The following MYO3A variants were observed in gnomAD, a reference collection of about 807,000 sequenced individuals.
MYO3A encodes the protein myosin IIIA.
Under a neutral mutation model 192.7 loss-of-function variants are expected in MYO3A, and 180 were observed. The ratio of observed to expected loss-of-function variants is 0.93; its 90% CI spans 0.83 to 1.06. MYO3A has a LOEUF of 1.06. Ranked by LOEUF, MYO3A falls within the 50% of genes least tolerant of loss-of-function variation. The pLI is 0.00. For synonymous variants in MYO3A, 628 were observed against 645.3 expected (o/e 0.97, Z 0.41); for missense variants, 1,896 against 1,905.0 (o/e 1.00, Z 0.09).
chr10:26,170,407 G>A lies in MYO3A; in HGVS notation c.3275-9G>A. The A allele has an allele frequency of 6.2e-7, 1 of 1,612,884 alleles. No homozygotes were observed. Among genetic ancestry groups the A allele is most frequent in the Non-Finnish European group, 8.5e-7 (1 of 1,179,276 alleles). On this transcript the variant is annotated splice_polypyrimidine_tract_variant and intron_variant, in intron 28 of 34. Coordinates refer to ENST00000642920, the MANE Select transcript of MYO3A (RefSeq NM_017433.5). The stretch of plus-strand genomic sequence containing the variant: ...TAATTAACACTACTATGGGCTTTCT[G>A]TGTTTCAGCTGCAAGAGGACACCTT...
intron 14 of MYO3A, among the ~76,000 whole-genome samples, chr10:26,078,719 C>T: frequency 6.6e-6 from 1 of 151,858 alleles, no homozygotes; most frequent in Non-Finnish European, 1.5e-5. Flanking sequence ...CATTGTTGTT[C>T]AGTTCGAAGA....
At chr10:26,158,157 GATTTGGAAGATGAAACA>G (rs1323264871) in intron 26 of MYO3A, among the ~76,000 whole-genome samples, 2 of 152,100 alleles carry the variant, frequency 1.3e-5, no homozygotes, top group Non-Finnish European at 2.9e-5. Flanking sequence ...CTCTAACGGT[GATTTGGAAGATGAAACA>G]ATTAGGTTTA....
intron 4 of MYO3A, among the ~76,000 whole-genome samples, chr10:25,979,809 G>A (rs1839204821): frequency 6.6e-6 from 1 of 152,152 alleles, no homozygotes; most frequent in African/African-American, 2.4e-5. Context: ...CCTGTGCACT[G>A]TTGTATGTTT....
chr10:26,182,823 T>C (rs76139955), intron 31 of MYO3A, among the ~76,000 whole-genome samples: 9,013 of 152,296 alleles, frequency 0.059, 346 homozygotes, highest in Non-Finnish European at 0.085. Flanking sequence ...GCTCACAGTG[T>C]TCCGCATAAC....
chr10:26,036,251 T>C (rs1424072413), intron 10 of MYO3A, among the ~76,000 whole-genome samples: 2 of 42,842 alleles, frequency 4.7e-5, no homozygotes, highest in African/African-American at 1.2e-4. Context: ...CTAAGACTAT[T>C]TTTTTAATTA....
chr10:26,105,702 C>T (rs889997581), intron 17 of MYO3A, among the ~76,000 whole-genome samples: 8 of 151,970 alleles, frequency 5.3e-5, no homozygotes, highest in South Asian at 2.1e-4. Context: ...TCTAAATTTT[C>T]GTTTATTCAA....
chr10:26,002,143 A>C (rs7919219), intron 6 of MYO3A, among the ~76,000 whole-genome samples: 14,356 of 152,254 alleles, frequency 0.094, 1,195 homozygotes, highest in African/African-American at 0.21. Context: ...TAGTTATAGT[A>C]AAAACGAAGA....
At chr10:26,143,376 A>G (rs1840276994) in intron 20 of MYO3A, 72 bp from the exon 21 acceptor site, 2 of 1,452,246 alleles carry the variant, frequency 1.4e-6, no homozygotes, top group Admixed American at 3.6e-5. Flanking sequence ...ATATATGCAA[A>G]GTAAAATTTT....
chr10:26,190,945 T>G (rs551215317), intron 31 of MYO3A, among the ~76,000 whole-genome samples: 1 of 152,302 alleles, frequency 6.6e-6, no homozygotes, highest in Admixed American at 6.5e-5. Context: ...TGTTTTTCAC[T>G]CTCTTGGCAA....
intron 10 of MYO3A, among the ~76,000 whole-genome samples, chr10:26,039,021 T>TTTTGTTTG (rs138198989): frequency 2.7e-4 from 40 of 150,662 alleles, no homozygotes; most frequent in South Asian, 1.3e-3. Context: ...ATGAATGAGT[T>TTTTGTTTG]TTTGTTTGTT....
chr10:26,070,002 G>C lies in MYO3A; in HGVS notation c.1171-109G>C, dbSNP rs957575230. On this transcript the variant is annotated intron_variant, in intron 12 of 34. Coordinates refer to ENST00000642920, the MANE Select transcript of MYO3A (RefSeq NM_017433.5). ...TAATAATGTTTTGGTGGAATGAAAT[G>C]GTGTTTTTATTTATACTTTGCTTTA... 74 of 734,612 alleles carry C rather than the reference G, an allele frequency of 1.0e-4. No homozygotes were observed. In the Admixed American group the frequency reaches 1.9e-3, roughly 19 times the overall value. 45.5% of individuals were successfully genotyped at this position (734,612 alleles called of 1,614,324 possible).
chr10:26,185,902 C>A (rs1037293542), intron 31 of MYO3A, among the ~76,000 whole-genome samples: 6 of 152,118 alleles, frequency 3.9e-5, no homozygotes, highest in African/African-American at 1.4e-4. Context: ...TTGCTTTTCT[C>A]AATACCTTTG....
intron 14 of MYO3A, among the ~76,000 whole-genome samples, chr10:26,076,038 G>C (rs1465891151): frequency 6.7e-6 from 1 of 149,784 alleles, no homozygotes; most frequent in Non-Finnish European, 1.5e-5. Context: ...GGATCAAATG[G>C]GAGTTCTACT....
intron 31 of MYO3A, among the ~76,000 whole-genome samples, chr10:26,192,742 C>T (rs1843211184): frequency 6.6e-6 from 1 of 151,580 alleles, no homozygotes; most frequent in African/African-American, 2.4e-5. Flanking sequence ...CAACCTCTGC[C>T]TCCCAGGTTC....
In MYO3A at chr10:26,016,821, T is replaced by G. The variant is rs1842009809; in HGVS notation, c.510T>G (p.Gly170=). The part of the protein sequence containing the change: ...TEGGVKLVDF[G]VSAQLTSTRH... ...AGTACATCTTGTCTCTTCCTCTAGG[T>G]GTGTCTGCACAGCTCACCAGTACCC... is the stretch of plus-strand genomic sequence containing the variant. Residue 170 remains glycine (G), a splice_region_variant and synonymous_variant, in exon 7 of 35, where the codon GGT becomes GGG. Transcript: ENST00000642920. The G allele has an allele frequency of 1.2e-6, 2 of 1,613,972 alleles. No homozygotes were observed.
At chr10:25,990,530 C>T (rs1839949102) in intron 4 of MYO3A, among the ~76,000 whole-genome samples, 1 of 150,674 alleles carries the variant, frequency 6.6e-6, no homozygotes, top group South Asian at 2.1e-4. Context: ...TTTTATTATA[C>T]TTTTAAGTTC....
At chr10:26,164,910 C>T (rs1490729732) in intron 26 of MYO3A, among the ~76,000 whole-genome samples, 1 of 152,158 alleles carries the variant, frequency 6.6e-6, no homozygotes, top group Admixed American at 6.5e-5. Context: ...TACTGGGTCA[C>T]CATGTGTACA....
chr10:25,942,758 C>G (rs1204805074), intron 2 of MYO3A, among the ~76,000 whole-genome samples: 3 of 148,838 alleles, frequency 2.0e-5, no homozygotes, highest in Non-Finnish European at 4.4e-5. Context: ...GGAGAAACTT[C>G]TAGTCAAATC....
intron 32 of MYO3A, among the ~76,000 whole-genome samples, chr10:26,193,881 C>A (rs1415112074): frequency 6.6e-6 from 1 of 152,214 alleles, no homozygotes; most frequent in Non-Finnish European, 1.5e-5. Context: ...CTTCTGACCC[C>A]TCAGCTCCTG....
Sources: gnomAD v4.1 joint callset for allele counts (sites outside exome capture counted in the v4.1 genomes callset) on GRCh38, gnomAD v4.1.1 for gene constraint, MANE v1.5 for transcripts, NCBI Gene and HGNC (gene_info 2026-07-23, HGNC 2026-07-21) for gene names.